ARIH1: variants seen among roughly 807,000 people sequenced by gnomAD.
ARIH1 encodes E3 ubiquitin-protein ligase ARIH1.
A neutral mutation model predicts 85.0 loss-of-function variants in ARIH1; 8 were observed. The observed-to-expected ratio is 0.09, with a 90% CI of 0.06 to 0.17. The LOEUF is 0.17. ARIH1 is among the 10% of genes least tolerant of loss of function. The probability of loss-of-function intolerance (pLI) is 1.00; values close to 1 mark genes in which losing one functional copy is unlikely to be tolerated. For missense variants in ARIH1, 311 were observed against 718.1 expected, an observed-to-expected ratio of 0.43 and a Z score of 6.48; for synonymous variants, 238 against 253.6, an observed-to-expected ratio of 0.94 and a Z score of 0.59.
At chr15:72,498,585 C>T (rs1319936558) in intron 1 of ARIH1, among the ~76,000 whole-genome samples, 1 of 152,204 alleles carries the variant, frequency 6.6e-6, no homozygotes. Context: ...TGGCTCACGC[C>T]TGTGATCCCA....
At chr15:72,576,374 C>T (rs562101822) in intron 11 of ARIH1, among the ~76,000 whole-genome samples, 8 of 151,920 alleles carry the variant, frequency 5.3e-5, no homozygotes, top group African/African-American at 1.2e-4. Context: ...GGCGTGGTGG[C>T]GGGCACCTGT....
At chr15:72,511,788 G>A (rs946977067) in intron 1 of ARIH1, among the ~76,000 whole-genome samples, 1 of 152,074 alleles carries the variant, frequency 6.6e-6, no homozygotes, top group Non-Finnish European at 1.5e-5. Flanking sequence ...ACTCCGTCCA[G>A]TACAGAGTTG....
At chr15:72,556,097 C>G (rs1055888083) in intron 5 of ARIH1, among the ~76,000 whole-genome samples, 190 bp downstream of exon 5, 1 of 152,190 alleles carries the variant, frequency 6.6e-6, no homozygotes, top group Non-Finnish European at 1.5e-5. Flanking sequence ...TTCTTACAAA[C>G]TTAGAAATGC....
chr15:72,517,850 T>G (rs576169613), intron 1 of ARIH1, among the ~76,000 whole-genome samples: 22 of 152,318 alleles, frequency 1.4e-4, no homozygotes, highest in African/African-American at 5.3e-4. Flanking sequence ...GGCTTATTTT[T>G]AATCCTAAAG....
intron 2 of ARIH1, among the ~76,000 whole-genome samples, chr15:72,528,664 G>A (rs977924377): frequency 1.3e-5 from 2 of 152,066 alleles, no homozygotes; most frequent in Admixed American, 6.5e-5. Context: ...GACTAGCCTG[G>A]ACAACATAGG....
At chr15:72,475,199 C>T (rs757055711) in intron 1 of ARIH1, 185 bp downstream of exon 1, 3 of 1,297,964 alleles carry the variant, frequency 2.3e-6, no homozygotes, top group Admixed American at 3.3e-5. Context: ...GCCGATTAGC[C>T]GGGTGTGGGG....
At chr15:72,546,678 G>GTTTGT (rs1454106480) in intron 3 of ARIH1, among the ~76,000 whole-genome samples, 1 of 151,148 alleles carries the variant, frequency 6.6e-6, no homozygotes, top group South Asian at 2.1e-4. Flanking sequence ...TGTGTGTTTT[G>GTTTGT]TTTGTTTTGT....
chr15:72,574,700 G>A (rs879686384), intron 11 of ARIH1, among the ~76,000 whole-genome samples: 2 of 152,100 alleles, frequency 1.3e-5, no homozygotes, highest in African/African-American at 2.4e-5. Flanking sequence ...CTGTTGTGAC[G>A]GCTCAACTCT....
chr15:72,549,275 A>G (rs374571324), intron 3 of ARIH1, among the ~76,000 whole-genome samples: 5 of 152,120 alleles, frequency 3.3e-5, no homozygotes, highest in South Asian at 4.2e-4. Flanking sequence ...TTTAGTAGAC[A>G]TGGGGTTCCA....
chr15:72,505,601 A>G (rs2063921352), intron 1 of ARIH1, among the ~76,000 whole-genome samples: 1 of 152,134 alleles, frequency 6.6e-6, no homozygotes, highest in African/African-American at 2.4e-5. Context: ...TATAATGGGT[A>G]TTTCTAGGTC....
intron 7 of ARIH1, among the ~76,000 whole-genome samples, chr15:72,566,051 G>C (rs946619633): frequency 1.3e-5 from 2 of 152,132 alleles, no homozygotes; most frequent in East Asian, 1.9e-4. Flanking sequence ...TGAGTATTTA[G>C]TCTTTTTGTT....
chr15:72,497,179 G>T (rs1279365766), intron 1 of ARIH1, among the ~76,000 whole-genome samples: 1 of 152,198 alleles, frequency 6.6e-6, no homozygotes, highest in African/African-American at 2.4e-5. Context: ...CATGGAGCTG[G>T]CTGATTTTCA....
intron 2 of ARIH1, 116 bp downstream of exon 2, chr15:72,518,250 G>A (rs900873107): frequency 5.3e-6 from 4 of 758,882 alleles, no homozygotes; most frequent in Admixed American, 6.1e-5. Context: ...GGACAACCCA[G>A]TGTGCAACTA....
intron 1 of ARIH1, among the ~76,000 whole-genome samples, chr15:72,491,419 C>G (rs1408836684): frequency 4.0e-5 from 6 of 150,678 alleles, no homozygotes; most frequent in Non-Finnish European, 5.9e-5. Flanking sequence ...ATAAAAAGCT[C>G]TTATCTCATT....
chr15:72,552,188 G>C (rs2064155634), intron 3 of ARIH1, among the ~76,000 whole-genome samples: 1 of 152,162 alleles, frequency 6.6e-6, no homozygotes, highest in Non-Finnish European at 1.5e-5. Flanking sequence ...AAAAAAGGCA[G>C]TGTAAAGGTT....
chr15:72,506,292 A>G lies in ARIH1; in HGVS notation c.376-11775A>G, dbSNP rs1044525579. Among the ~76,000 whole-genome samples the G allele has an allele frequency of 5.2e-4, 70 of 134,726 alleles. No individual in the cohort carries two copies. In the Admixed American group the frequency reaches 5.9e-3, roughly 11 times the overall value. 88.4% of individuals were successfully genotyped at this position (134,726 alleles called of 152,430 possible). A position where few individuals can be genotyped will look rare whatever the true frequency, so the allele number is the denominator to read the frequency against. ...GTGCACCCGGGAGGTGGAGCTTGCA[A>G]TGAGGCGAGATTGCGCCACTGCACT... On this transcript the variant is annotated intron_variant, in intron 1 of 13. Transcript: ENST00000379887.
intron 1 of ARIH1, among the ~76,000 whole-genome samples, chr15:72,511,640 A>T (rs986554508): frequency 3.9e-5 from 6 of 152,166 alleles, no homozygotes; most frequent in African/African-American, 1.4e-4. Context: ...GGACTTCGCT[A>T]AACTCATTTC....
At chr15:72,552,580 G>A (rs1363939522) in intron 3 of ARIH1, among the ~76,000 whole-genome samples, 1 of 152,052 alleles carries the variant, frequency 6.6e-6, no homozygotes. Context: ...GTGAGCCACC[G>A]TGCCCAGCCC....
At chr15:72,548,444 C>G (rs1287375635) in intron 3 of ARIH1, among the ~76,000 whole-genome samples, 2 of 151,986 alleles carry the variant, frequency 1.3e-5, no homozygotes, top group Non-Finnish European at 2.9e-5. Flanking sequence ...TAAAGAGTCA[C>G]TGACTTGAAG....
Sources: allele counts gnomAD v4.1 joint callset (sites outside exome capture counted in the v4.1 genomes callset), GRCh38; gene constraint gnomAD v4.1.1; transcripts MANE v1.5; gene names NCBI Gene and HGNC (gene_info 2026-07-23, HGNC 2026-07-21).